The following MACROD2 variants were observed in gnomAD, a reference collection of about 807,000 sequenced individuals.
MACROD2 encodes the protein mono-ADP ribosylhydrolase 2, also known as ADP-ribose glycohydrolase MACROD2.
A neutral mutation model predicts 70.4 loss-of-function variants in MACROD2; 36 were observed. That is an observed-to-expected ratio of 0.51 (90% CI 0.39 to 0.68). The LOEUF (loss-of-function observed/expected upper bound fraction) is 0.68, where lower values mean the gene tolerates loss of function less well. Among genes scored for constraint, MACROD2 ranks in the 30% least tolerant of loss-of-function variants. The pLI is 0.00. For synonymous variants in MACROD2, 172 were observed against 178.8 expected, an observed-to-expected ratio of 0.96 and a Z score of 0.30; for missense variants, 496 against 538.4, an observed-to-expected ratio of 0.92 and a Z score of 0.78.
intron 3 of MACROD2, among the ~76,000 whole-genome samples, chr20:14,294,215 TATGCATGTGTGTGTGTTC>T (rs370746639): frequency 0.017 from 2,566 of 151,534 alleles, 99 homozygotes; most frequent in African/African-American, 0.059. Flanking sequence ...AGTTTGGGTG[TATGCATGTGTGTGTGTTC>T]ATGCATGTGT....
intron 6 of MACROD2, among the ~76,000 whole-genome samples, chr20:15,393,665 G>A (rs2045823011): frequency 1.3e-5 from 2 of 152,124 alleles, no homozygotes; most frequent in African/African-American, 2.4e-5. Context: ...GGCCAAATAA[G>A]CTTTCACTCC....
intron 4 of MACROD2, among the ~76,000 whole-genome samples, chr20:14,524,745 C>T (rs2085210435): frequency 6.6e-6 from 1 of 152,132 alleles, no homozygotes; most frequent in African/African-American, 2.4e-5. Context: ...CCAACTTTAC[C>T]ACCTTCACTG....
intron 4 of MACROD2, among the ~76,000 whole-genome samples, chr20:14,645,308 A>G (rs2123499376): frequency 6.6e-6 from 1 of 152,212 alleles, no homozygotes; most frequent in East Asian, 1.9e-4. Flanking sequence ...AGTTGAATGA[A>G]TGAATAATAT....
chr20:15,957,068 G>A (rs775104965), intron 12 of MACROD2, among the ~76,000 whole-genome samples: 25 of 152,238 alleles, frequency 1.6e-4, no homozygotes, highest in African/African-American at 3.1e-4. Context: ...TTCAATTTAC[G>A]TCAAGTCCCC....
At chr20:14,033,643 A>G (rs2053272450) in intron 2 of MACROD2, among the ~76,000 whole-genome samples, 1 of 152,262 alleles carries the variant, frequency 6.6e-6, no homozygotes, top group Non-Finnish European at 1.5e-5. Context: ...CAAACAGTAC[A>G]GAAGAGCATA....
chr20:14,477,355 T>C (rs1176905189), intron 3 of MACROD2, among the ~76,000 whole-genome samples: 14 of 152,164 alleles, frequency 9.2e-5, no homozygotes, highest in Non-Finnish European at 7.3e-5. Flanking sequence ...TGTGGCATGA[T>C]TTCAGCAAGT....
At chr20:15,743,413 C>T (rs1192334744) in intron 8 of MACROD2, among the ~76,000 whole-genome samples, 1 of 152,096 alleles carries the variant, frequency 6.6e-6, no homozygotes, top group African/African-American at 2.4e-5. Flanking sequence ...TAGTTTGACG[C>T]AGCCTAGGAA....
chr20:15,407,004 A>G (rs1163131043), intron 6 of MACROD2, among the ~76,000 whole-genome samples: 3 of 152,320 alleles, frequency 2.0e-5, no homozygotes, highest in East Asian at 3.9e-4. Flanking sequence ...GCAGTGATCA[A>G]CATAGGTGAT....
At chr20:15,886,190 C>G (rs1401475848) in intron 10 of MACROD2, among the ~76,000 whole-genome samples, 1 of 152,162 alleles carries the variant, frequency 6.6e-6, no homozygotes, top group Non-Finnish European at 1.5e-5. Flanking sequence ...GAAGATTCAA[C>G]AGCTGGAAGC....
chr20:15,067,511 G>C (rs747456137), intron 5 of MACROD2, among the ~76,000 whole-genome samples: 5 of 151,804 alleles, frequency 3.3e-5, no homozygotes. Context: ...CACCACACCC[G>C]GCTAATTTTT....
intron 5 of MACROD2, among the ~76,000 whole-genome samples, chr20:15,021,191 C>A (rs1292146281): frequency 3.4e-5 from 4 of 116,226 alleles, no homozygotes; most frequent in Non-Finnish European, 7.2e-5. Flanking sequence ...TGTGCGTATA[C>A]ACACACCTGT....
At chr20:15,051,792 G>A (rs1049117903) in intron 5 of MACROD2, among the ~76,000 whole-genome samples, 6 of 132,690 alleles carry the variant, frequency 4.5e-5, no homozygotes, top group Non-Finnish European at 9.3e-5. Flanking sequence ...CTCTGTCCCC[G>A]CCAGGCTGGG....
At chr20:15,818,466 C>G (rs1444375719) in intron 8 of MACROD2, among the ~76,000 whole-genome samples, 1 of 152,104 alleles carries the variant, frequency 6.6e-6, no homozygotes, top group Admixed American at 6.6e-5. Context: ...TTTTAGGATG[C>G]TAATGTATTC....
At chr20:14,511,244 G>T (rs555165424) in intron 4 of MACROD2, among the ~76,000 whole-genome samples, 1 of 151,916 alleles carries the variant, frequency 6.6e-6, no homozygotes, top group African/African-American at 2.4e-5. Flanking sequence ...TAACTTAATT[G>T]TACACTTAAA....
intron 8 of MACROD2, among the ~76,000 whole-genome samples, chr20:15,713,987 G>GCACACATGCA (rs779418136): frequency 6.8e-5 from 8 of 117,698 alleles, no homozygotes; most frequent in Non-Finnish European, 1.6e-4. Flanking sequence ...ACACACATAT[G>GCACACATGCA]CACACACACA....
intron 5 of MACROD2, among the ~76,000 whole-genome samples, chr20:15,092,593 T>C (rs2075800643): frequency 6.6e-6 from 1 of 151,840 alleles, no homozygotes; most frequent in African/African-American, 2.4e-5. Flanking sequence ...CTTCTGATAA[T>C]ATTGGAAAAC....
At chr20:14,422,223 A>C (rs2083883232) in intron 3 of MACROD2, among the ~76,000 whole-genome samples, 1 of 152,090 alleles carries the variant, frequency 6.6e-6, no homozygotes, top group Non-Finnish European at 1.5e-5. Flanking sequence ...AGCAACCCCA[A>C]CTATCTTTTG....
intron 6 of MACROD2, among the ~76,000 whole-genome samples, chr20:15,251,573 A>G (rs553695496): frequency 4.6e-5 from 7 of 152,312 alleles, no homozygotes; most frequent in African/African-American, 1.7e-4. Context: ...ATTCATTGCA[A>G]AGGTTTGGGA....
At chr20:15,227,650 T>G (rs2076918827) in intron 5 of MACROD2, among the ~76,000 whole-genome samples, 1 of 152,128 alleles carries the variant, frequency 6.6e-6, no homozygotes, top group African/African-American at 2.4e-5. Flanking sequence ...AAGGTGAAAT[T>G]GTGGAAATCT....
Sources: gnomAD v4.1 joint callset for allele counts (sites outside exome capture counted in the v4.1 genomes callset) on GRCh38, gnomAD v4.1.1 for gene constraint, MANE v1.5 for transcripts, NCBI Gene and HGNC (gene_info 2026-07-23, HGNC 2026-07-21) for gene names.